Variants in SASH1 observed in about 807,000 individuals in gnomAD.
SASH1 encodes SAM and SH3 domain-containing protein 1.
In SASH1, 44 loss-of-function variants were observed where a neutral mutation model predicts 125.2. That is an observed-to-expected ratio of 0.35 (90% confidence interval 0.28 to 0.45). The LOEUF (loss-of-function observed/expected upper bound fraction) is 0.45, where lower values mean the gene tolerates loss of function less well. Ranked by LOEUF, SASH1 falls within the 20% of genes least tolerant of loss-of-function variation. The pLI, the probability that SASH1 is intolerant of heterozygous loss-of-function variation, is 1.00. For synonymous variants in SASH1, 639 were observed against 649.1 expected (o/e 0.98, Z 0.24); for missense variants, 1,426 against 1,614.5 (o/e 0.88, Z 2.00).
At position 148,474,229 on chromosome 6, in the gene SASH1, A is replaced by T. The variant is rs370329435; in HGVS notation, c.627+7A>T. The T allele has an allele frequency of 2.6e-6, 4 of 1,531,398 alleles. No individual in the cohort carries two copies. The highest frequency in any genetic ancestry group is 3.6e-6 in the Non-Finnish European group (4 of 1,115,178). 94.9% of individuals were successfully genotyped at this position (1,531,398 alleles called of 1,614,324 possible). ...TGAGGAAGCACTTGCTAGGGTAAGC[A>T]TGCAGATACCTGGTTTATATTTGTG... On this transcript the variant is annotated splice_region_variant and intron_variant, in intron 7 of 19. Transcript: ENST00000367467.
chr6:148,301,571 T>TTTTTC lies in SASH1; in HGVS notation n.74+29214_74+29218dup, dbSNP rs372693543. Among the ~76,000 whole-genome samples the TTTTTC allele has an allele frequency of 1.9e-3, 287 of 149,142 alleles. 1 individual carries two copies. Among genetic ancestry groups the TTTTTC allele is most frequent in the African/African-American group, 6.6e-3 (267 of 40,572 alleles). On this transcript the variant is annotated intron_variant and non_coding_transcript_variant, in intron 1 of 3. Transcript: ENST00000367469. ...GTGAGCCACTGTGCCCAACCTGGGG[T>TTTTTC]TTTTCTTTTCTTTTCTTTTCTTTTT...
intron 2 of SASH1, among the ~76,000 whole-genome samples, chr6:148,399,310 C>T (rs973598629): frequency 6.7e-5 from 10 of 149,618 alleles, no homozygotes; most frequent in East Asian, 2.0e-4. Context: ...CTCCACCTCC[C>T]GGGTTCAAGT....
chr6:148,324,609 C>A (rs527962562), intron 1 of SASH1, among the ~76,000 whole-genome samples: 1 of 152,280 alleles, frequency 6.6e-6, no homozygotes, highest in South Asian at 2.1e-4. Context: ...AAGTTCTCAG[C>A]TGCAGAAAAA....
intron 8 of SASH1, among the ~76,000 whole-genome samples, chr6:148,507,489 G>A (rs1008579253): frequency 5.9e-5 from 9 of 152,076 alleles, no homozygotes; most frequent in Admixed American, 2.6e-4. Flanking sequence ...TCCTATCCCA[G>A]CCTCCTGAGT....
intron 1 of SASH1, among the ~76,000 whole-genome samples, chr6:148,305,888 T>G (rs1299988293): frequency 6.6e-6 from 1 of 152,106 alleles, no homozygotes; most frequent in Non-Finnish European, 1.5e-5. Flanking sequence ...TACCAGAACG[T>G]TTATGTTTTA....
chr6:148,381,711 C>T (rs563451053), intron 1 of SASH1, among the ~76,000 whole-genome samples: 254 of 144,226 alleles, frequency 1.8e-3, no homozygotes, highest in African/African-American at 6.2e-3. Flanking sequence ...TCACTGCAGC[C>T]TCTACCTCCT....
Position 148,548,667 on chromosome 6 carries a change from A to G in SASH1, c.*109A>G, listed in dbSNP as rs1054068049. The G allele has an allele frequency of 8.9e-6, 12 of 1,342,986 alleles. No individual in the cohort carries two copies. In the South Asian group the frequency reaches 1.6e-4, roughly 18 times the overall value. The allele number at this position is 1,342,986 out of a possible 1,614,324, so 83.2% of individuals were successfully genotyped here. A position where few individuals can be genotyped will look rare whatever the true frequency, so the allele number is the denominator to read the frequency against. ...GACGTGCAGACCAGATCCAGAAGAA[A>G]GGCCTGGCGTGTGGCCAAACAGCGT... On this transcript the variant is annotated 3_prime_UTR_variant, in exon 20 of 20. Transcript: ENST00000367467.
intron 4 of SASH1, among the ~76,000 whole-genome samples, chr6:148,454,372 T>TA (rs894189260): frequency 6.6e-6 from 1 of 152,250 alleles, no homozygotes; most frequent in African/African-American, 2.4e-5. Flanking sequence ...GCATTTCATG[T>TA]AAAATCTCTC....
chr6:148,459,553 T>G (rs935957360), intron 4 of SASH1, among the ~76,000 whole-genome samples: 1 of 152,116 alleles, frequency 6.6e-6, no homozygotes, highest in Admixed American at 6.5e-5. Flanking sequence ...ATTTTTAGAG[T>G]CAACAGGAGT....
intron 1 of SASH1, among the ~76,000 whole-genome samples, chr6:148,371,972 A>C (rs1287199574): frequency 6.6e-6 from 1 of 152,184 alleles, no homozygotes; most frequent in Non-Finnish European, 1.5e-5. Flanking sequence ...AAAATTATCC[A>C]GAGTTCTCAA....
chr6:148,416,770 G>A (rs1784837441), intron 2 of SASH1, among the ~76,000 whole-genome samples: 1 of 152,214 alleles, frequency 6.6e-6, no homozygotes, highest in Admixed American at 6.5e-5. Context: ...CATTAAGTGA[G>A]ATTCATTACC....
At chr6:148,541,059 A>C (rs1782188067) in intron 17 of SASH1, among the ~76,000 whole-genome samples, 1 of 151,948 alleles carries the variant, frequency 6.6e-6, no homozygotes, top group African/African-American at 2.4e-5. Flanking sequence ...ACTTGTCTCA[A>C]ACAGAAGAGG....
chr6:148,548,690 C>A lies in SASH1; in HGVS notation c.*132C>A. The A allele has an allele frequency of 9.1e-7, 1 of 1,102,662 alleles. No individual in the cohort carries two copies. The highest frequency in any genetic ancestry group is 1.3e-6 in the Non-Finnish European group (1 of 785,782). 68.3% of individuals were successfully genotyped at this position (1,102,662 alleles called of 1,614,324 possible). A position where few individuals can be genotyped will look rare whatever the true frequency, so the allele number is the denominator to read the frequency against. Reference sequence around the variant, plus strand: ...AAAGGCCTGGCGTGTGGCCAAACAGCGTGAAACCTTGGCACAGGACTGAGG... The same window carrying A: ...AAAGGCCTGGCGTGTGGCCAAACAGAGTGAAACCTTGGCACAGGACTGAGG... On this transcript the variant is annotated 3_prime_UTR_variant, in exon 20 of 20. Coordinates refer to ENST00000367467, the MANE Select transcript of SASH1 (RefSeq NM_015278.5).
chr6:148,440,534 A>G, intron 4 of SASH1, 127 bp downstream of exon 4: 4 of 783,746 alleles, frequency 5.1e-6, no homozygotes, highest in Non-Finnish European at 8.5e-6. Context: ...ATTTTCCTTA[A>G]CATGTTGCAT....
the SASH1 span, among the ~76,000 whole-genome samples, chr6:148,256,421 G>A: frequency 1.3e-5 from 2 of 152,128 alleles, no homozygotes; most frequent in Non-Finnish European, 2.9e-5. Context: ...TTATTTTACA[G>A]TATCTTCTTA....
rs114889981 is a variant in SASH1, at chr6:148,328,041, T to C, written n.74+55664T>C. On this transcript the variant is annotated intron_variant and non_coding_transcript_variant, in intron 1 of 3. Coordinates refer to the SASH1 transcript ENST00000367469. Reference sequence around the variant, plus strand: ...ACGTGAAGTGTTTTATGGCAGTTTTTCGTTTAAGGGATGGGGTCTCACTTT... The same window carrying C: ...ACGTGAAGTGTTTTATGGCAGTTTTCCGTTTAAGGGATGGGGTCTCACTTT... Among the ~76,000 whole-genome samples, 1,134 of 152,258 alleles carry C rather than the reference T, an allele frequency of 7.4e-3. 12 individuals are homozygous for C. The highest frequency in any genetic ancestry group is 0.026 in the African/African-American group (1,060 of 41,542).
At position 148,529,327 on chromosome 6, in the gene SASH1, C is replaced by T. The variant is rs1260799134; in HGVS notation, c.1428+1731C>T. On this transcript the variant is annotated intron_variant, in intron 12 of 19. Coordinates refer to ENST00000367467, the MANE Select transcript of SASH1 (RefSeq NM_015278.5). The surrounding 1 kb of genome is among the most constrained non-coding windows in gnomAD (Gnocchi z 4.2). ...TCCATCAAAATGATCAGTGCTCAGG[C>T]TGAGAAACCGTGGCTTGTTAGACCT... is the stretch of plus-strand genomic sequence containing the variant. 6.6e-6 allele frequency among the ~76,000 whole-genome samples: 1 copy of T among 152,214 alleles called. No homozygotes were observed. The highest frequency in any genetic ancestry group is 1.9e-4 in the East Asian group (1 of 5,194).
chr6:148,387,759 A>G (rs1171299747), intron 1 of SASH1, among the ~76,000 whole-genome samples: 3 of 146,600 alleles, frequency 2.0e-5, no homozygotes, highest in Non-Finnish European at 4.5e-5. Context: ...TCTTTGACGG[A>G]GTTTCACTCT....
At chr6:148,500,757 A>G (rs1583261896) in intron 8 of SASH1, among the ~76,000 whole-genome samples, 2 of 151,318 alleles carry the variant, frequency 1.3e-5, no homozygotes, top group African/African-American at 2.4e-5. Context: ...TCTTGGCGCA[A>G]TATTTTTGCT....
Sources: allele counts gnomAD v4.1 joint callset (sites outside exome capture counted in the v4.1 genomes callset), GRCh38; gene constraint gnomAD v4.1.1; non-coding constraint Gnocchi (gnomAD v3.1); transcripts MANE v1.5; gene names NCBI Gene and HGNC (gene_info 2026-07-23, HGNC 2026-07-21).